NGEF: variants seen among roughly 807,000 people sequenced by gnomAD.
The protein encoded by NGEF is ephexin-1.
A neutral mutation model predicts 80.9 loss-of-function variants in NGEF; 31 were observed. That is an observed-to-expected ratio of 0.38 (90% CI 0.29 to 0.52). NGEF has a LOEUF of 0.52. Ranked by LOEUF, NGEF falls within the 20% of genes least tolerant of loss-of-function variation. NGEF has a pLI of 0.84. For synonymous variants in NGEF, 371 were observed against 370.2 expected, an observed-to-expected ratio of 1.00 and a Z score of -0.03; for missense variants, 709 against 926.2, an observed-to-expected ratio of 0.77 and a Z score of 3.04.
At chr2:232,998,155 G>A (rs907882700) in intron 1 of NGEF, among the ~76,000 whole-genome samples, 4 of 152,230 alleles carry the variant, frequency 2.6e-5, no homozygotes, top group Admixed American at 1.3e-4. Context: ...GGAAACCGCA[G>A]TGGGAGTTTC....
intron 5 of NGEF, among the ~76,000 whole-genome samples, chr2:232,897,206 C>A (rs939412478): frequency 2.0e-5 from 3 of 151,726 alleles, no homozygotes; most frequent in Non-Finnish European, 4.4e-5. Context: ...GGCCGCCCTC[C>A]GGTTTCTCCA....
chr2:232,976,765 C>T (rs1694303772), intron 1 of NGEF, among the ~76,000 whole-genome samples: 1 of 152,212 alleles, frequency 6.6e-6, no homozygotes, highest in African/African-American at 2.4e-5. Context: ...GGGGCACAAC[C>T]TGAGCTCATG....
chr2:232,912,143 T>C (rs773875380), intron 5 of NGEF, among the ~76,000 whole-genome samples: 8 of 152,194 alleles, frequency 5.3e-5, no homozygotes, highest in Non-Finnish European at 1.2e-4. Context: ...CTATAGGTTT[T>C]TGGTAGATGT....
intron 8 of NGEF, among the ~76,000 whole-genome samples, chr2:232,888,318 ACATGCACAC>A (rs1691763763): frequency 6.6e-6 from 1 of 151,906 alleles, no homozygotes; most frequent in African/African-American, 2.4e-5. Flanking sequence ...GCTCGCACAC[ACATGCACAC>A]CATGCACATG....
In NGEF at chr2:232,920,364, T is replaced by G. The variant is rs1404432583; in HGVS notation, c.748A>C (p.Asn250His). ...CLLSNPHSRF[N>H]LWQDLPEIRS... ...ATCTCGGGAAGATCCTGCCAGAGGT[T>G]GAACCTTGAGTGGGGGTTACTGAGC... is the stretch of plus-strand genomic sequence containing the variant. Residue 250 changes from asparagine (N) to histidine (H), a missense_variant, in exon 5 of 15, where the codon AAC (asparagine) becomes CAC (histidine). Asn to His is a moderately conservative substitution (Grantham distance 68). Transcript: ENST00000264051. The G allele has an allele frequency of 4.3e-6, 7 of 1,614,036 alleles. No individual in the cohort carries two copies. In the Admixed American group the frequency reaches 1.2e-4, roughly 27 times the overall value.
chr2:232,965,591 A>G (rs1694041441), intron 3 of NGEF, among the ~76,000 whole-genome samples: 1 of 152,178 alleles, frequency 6.6e-6, no homozygotes, highest in Non-Finnish European at 1.5e-5. Flanking sequence ...GGGCTCACCC[A>G]TGGTCAATGT....
chr2:232,927,924 G>A (rs1693114639), intron 3 of NGEF: 1 of 1,335,342 alleles, frequency 7.5e-7, no homozygotes, highest in Non-Finnish European at 9.6e-7. Context: ...GCCGAGTCGC[G>A]CGCGTCGCTT....
rs924305660 is a variant in NGEF at position 232,901,246 on chromosome 2, G to A, written c.829-6330C>T. 11 of 447,578 alleles carry A rather than the reference G, an allele frequency of 2.5e-5. No homozygotes were observed. In the Admixed American group the frequency reaches 7.0e-4, roughly 29 times the overall value. 27.7% of individuals were successfully genotyped at this position (447,578 alleles called of 1,614,324 possible). A position where few individuals can be genotyped will look rare whatever the true frequency, so the allele number is the denominator to read the frequency against. On this transcript the variant is annotated intron_variant, in intron 5 of 14. Transcript: ENST00000264051. The stretch of plus-strand genomic sequence containing the variant: ...CATGGGCCATGCTGCCTGGCCGGCC[G>A]GGACTACAGTGTCTGTCCTCGGAGT...
At chr2:232,901,099 G>A in intron 5 of NGEF, among the ~76,000 whole-genome samples, 1 of 152,226 alleles carries the variant, frequency 6.6e-6, no homozygotes, top group East Asian at 1.9e-4. Context: ...TGCTCCTGAT[G>A]GAGAAAGGCG....
rs369661991 is a variant in NGEF at position 232,879,452 on chromosome 2, A to G, written c.*37T>C. 1.7e-5 allele frequency: 22 copies of G among 1,321,394 alleles called. No individual in the cohort carries two copies. In the Admixed American group the frequency reaches 2.3e-4, roughly 14 times the overall value. 81.9% of individuals were successfully genotyped at this position (1,321,394 alleles called of 1,614,324 possible). ...CCCCCCCACCTTCTGTCGGGGTCTC[A>G]TGCAGGCCCTGCTCCCGCTGGCCCC... On this transcript the variant is annotated 3_prime_UTR_variant, in exon 15 of 15. Coordinates refer to ENST00000264051, the MANE Select transcript of NGEF (RefSeq NM_019850.3).
intron 1 of NGEF, among the ~76,000 whole-genome samples, chr2:233,008,281 G>A (rs576039677): frequency 2.6e-5 from 4 of 152,170 alleles, no homozygotes; most frequent in Non-Finnish European, 5.9e-5. Context: ...CAGTTGTGGG[G>A]GTCTGAAATG....
intron 2 of NGEF, among the ~76,000 whole-genome samples, chr2:232,970,931 A>G (rs1360400933): frequency 6.6e-6 from 1 of 152,252 alleles, no homozygotes; most frequent in Non-Finnish European, 1.5e-5. Flanking sequence ...TTTACAGGGC[A>G]ATAAAACCAT....
intron 1 of NGEF, among the ~76,000 whole-genome samples, chr2:232,994,781 A>G (rs1188086861): frequency 6.6e-6 from 1 of 152,072 alleles, no homozygotes; most frequent in African/African-American, 2.4e-5. Context: ...GCTGGCACTC[A>G]GTATGTGGGA....
chr2:232,893,664 A>G (rs1691959684), intron 6 of NGEF, among the ~76,000 whole-genome samples: 1 of 151,972 alleles, frequency 6.6e-6, no homozygotes, highest in Non-Finnish European at 1.5e-5. Context: ...AATCCCAGCT[A>G]CTCGGGAGGT....
chr2:232,891,572 G>C (rs1430001744), intron 7 of NGEF, 85 bp from the exon 8 acceptor site: 5 of 1,452,632 alleles, frequency 3.4e-6, no homozygotes, highest in African/African-American at 1.4e-5. Context: ...CAGCCTCCCA[G>C]GATCCAGACG....
intron 3 of NGEF, among the ~76,000 whole-genome samples, chr2:232,941,777 T>TG (rs1693442250): frequency 6.6e-6 from 1 of 152,150 alleles, no homozygotes; most frequent in Non-Finnish European, 1.5e-5. Flanking sequence ...CAGATTTATT[T>TG]GGGGGAAAAA....
At chr2:232,921,193 A>T (rs1305356018) in intron 4 of NGEF, among the ~76,000 whole-genome samples, 1 of 152,188 alleles carries the variant, frequency 6.6e-6, no homozygotes, top group Admixed American at 6.5e-5. Flanking sequence ...AATCAGCGCA[A>T]ATGTAGCACC....
chr2:232,890,877 C>A (rs1691859767), intron 8 of NGEF: 3 of 470,876 alleles, frequency 6.4e-6, no homozygotes, highest in Middle Eastern at 6.5e-4. Flanking sequence ...CATCTCCACA[C>A]CCACTCCCGT....
Position 232,920,544 on chromosome 2 carries a change from C to T in NGEF, c.568G>A (p.Glu190Lys). The part of the protein sequence containing the change: ...QEYRDKSTLQ[E>K]IETRRQQDAE... ...TCCTGTTGCCTCCTGGTTTCGATTT[C>T]TTGGAGAGTCGATTTATCTCGGTAT... The change falls in exon 5 of 15, where the codon GAA (glutamate) becomes AAA (lysine). Residue 190 changes from glutamate (E) to lysine (K), a missense_variant. Transcript: ENST00000264051. 1 of 1,547,628 alleles carries T rather than the reference C, an allele frequency of 6.5e-7. No homozygotes were observed.
Sources: allele counts gnomAD v4.1 joint callset (sites outside exome capture counted in the v4.1 genomes callset), GRCh38; gene constraint gnomAD v4.1.1; transcripts MANE v1.5; gene names NCBI Gene and HGNC (gene_info 2026-07-23, HGNC 2026-07-21).